The following CYRIB variants were observed in gnomAD, a reference collection of about 807,000 sequenced individuals.
CYRIB encodes CYFIP related Rac1 interactor B.
A neutral mutation model predicts 44.2 loss-of-function variants in CYRIB; 8 were observed. That is an observed-to-expected ratio of 0.18 (90% CI 0.11 to 0.33). The LOEUF (loss-of-function observed/expected upper bound fraction) is 0.33. Among genes scored for constraint, CYRIB ranks in the 10% least tolerant of loss-of-function variants. The pLI, the probability that CYRIB is intolerant of heterozygous loss-of-function variation, is 1.00. For missense variants in CYRIB, 185 were observed against 382.8 expected (o/e 0.48, Z 4.31); for synonymous variants, 131 against 127.2 (o/e 1.03, Z -0.20).
At chr8:129,880,575 T>C (rs1347876494) in intron 2 of CYRIB, 1 of 280,626 alleles carries the variant, frequency 3.6e-6, no homozygotes, top group Non-Finnish European at 5.4e-6. Context: ...TTATATGCTT[T>C]TGGCATTGAG....
At chr8:129,862,035 A>T (rs1374374462) in intron 5 of CYRIB, among the ~76,000 whole-genome samples, 194 bp downstream of exon 7, 1 of 152,202 alleles carries the variant, frequency 6.6e-6, no homozygotes, top group Non-Finnish European at 1.5e-5. Flanking sequence ...GTGGACAAAA[A>T]TGGTCTAAAT....
upstream of CYRIB, among the ~76,000 whole-genome samples, chr8:129,943,167 G>T (rs1283239226): frequency 6.9e-6 from 1 of 145,268 alleles, no homozygotes; most frequent in Non-Finnish European, 1.5e-5. Flanking sequence ...CCCTGCTCCG[G>T]AGGGGCTGAG....
At chr8:129,960,962 A>AAAAAG (rs1554714379) in intron 2 of CYRIB, among the ~76,000 whole-genome samples, 100 of 150,002 alleles carry the variant, frequency 6.7e-4, no homozygotes, top group African/African-American at 2.0e-3. Context: ...AAAAAAAAAA[A>AAAAAG]AAAGAAAGAA....
At chr8:129,856,847 G>C (rs1474114548) in intron 5 of CYRIB, among the ~76,000 whole-genome samples, 1 of 152,136 alleles carries the variant, frequency 6.6e-6, no homozygotes, top group African/African-American at 2.4e-5. Context: ...TGACTCCAAA[G>C]CCCTATTCTT....
intron 1 of CYRIB, among the ~76,000 whole-genome samples, chr8:129,933,931 G>T (rs2092294165): frequency 6.6e-6 from 1 of 151,562 alleles, no homozygotes; most frequent in Non-Finnish European, 1.5e-5. Flanking sequence ...AACCTGATGT[G>T]TTTTGTGCTT....
At chr8:129,932,539 C>T (rs1029256964) in intron 1 of CYRIB, among the ~76,000 whole-genome samples, 1 of 152,088 alleles carries the variant, frequency 6.6e-6, no homozygotes, top group Admixed American at 6.6e-5. Flanking sequence ...TAGACTGAGG[C>T]TCAGAAAACC....
At chr8:129,908,666 CAAGTA>C (rs1243291151) in intron 1 of CYRIB, among the ~76,000 whole-genome samples, 1 of 152,008 alleles carries the variant, frequency 6.6e-6, no homozygotes, top group Non-Finnish European at 1.5e-5. Context: ...CACTAAATCT[CAAGTA>C]CAGTACTCTT....
At chr8:129,994,457 C>T (rs953461018) in intron 1 of CYRIB, among the ~76,000 whole-genome samples, 1 of 152,222 alleles carries the variant, frequency 6.6e-6, no homozygotes, top group African/African-American at 2.4e-5. Context: ...TCTTTGTATG[C>T]CTGTGCTTAG....
At chr8:129,968,068 G>A (rs1017993194) in intron 2 of CYRIB, among the ~76,000 whole-genome samples, 21 of 152,136 alleles carry the variant, frequency 1.4e-4, no homozygotes, top group African/African-American at 5.1e-4. Context: ...GTGACCATGA[G>A]CTAGTGGCTT....
At chr8:130,012,156 C>T (rs1352493841) in intron 1 of CYRIB, among the ~76,000 whole-genome samples, 1 of 151,674 alleles carries the variant, frequency 6.6e-6, no homozygotes, top group Non-Finnish European at 1.5e-5. Context: ...TTTATGAACA[C>T]GATGTTCAAG....
chr8:129,876,006 C>T (rs1031291098), intron 3 of CYRIB, among the ~76,000 whole-genome samples: 2 of 151,722 alleles, frequency 1.3e-5, no homozygotes, highest in East Asian at 1.9e-4. Context: ...CCCAGCTACT[C>T]GGGAGGCTGA....
chr8:129,952,970 C>T (rs923252220), intron 2 of CYRIB, among the ~76,000 whole-genome samples: 3 of 152,124 alleles, frequency 2.0e-5, no homozygotes, highest in African/African-American at 7.2e-5. Context: ...TTCTTCATTC[C>T]GAACCTTCTG....
At chr8:129,887,892 T>C (rs2063432522) in intron 2 of CYRIB, among the ~76,000 whole-genome samples, 1 of 152,214 alleles carries the variant, frequency 6.6e-6, no homozygotes, top group Non-Finnish European at 1.5e-5. Flanking sequence ...TTCATTTTGA[T>C]TTTAAAGACT....
In CYRIB at chr8:129,852,283, G is replaced by A; in HGVS notation, c.517-5C>T. ...TACTTCATTTTCTCCTTCTGCCTGT[G>A]GGGAAGGTAAAAGCACTGGATGTTA... On this transcript the variant is annotated splice_polypyrimidine_tract_variant and splice_region_variant and intron_variant, in intron 7 of 11. Coordinates refer to ENST00000519824, the Ensembl canonical transcript of CYRIB. The A allele has an allele frequency of 6.5e-7, 1 of 1,528,996 alleles. No individual in the cohort carries two copies. The highest frequency in any genetic ancestry group is 8.8e-7 in the Non-Finnish European group (1 of 1,132,356). 94.7% of individuals were successfully genotyped at this position (1,528,996 alleles called of 1,614,324 possible). A position where few individuals can be genotyped will look rare whatever the true frequency, so the allele number is the denominator to read the frequency against.
chr8:129,912,433 T>A (rs1288256820), intron 1 of CYRIB: 4 of 140,098 alleles, frequency 2.9e-5, no homozygotes, highest in Admixed American at 6.9e-5. Context: ...ATTACAAAGT[T>A]TTTTTTTTTT....
At chr8:129,934,700 T>C (rs188375900) in intron 1 of CYRIB, among the ~76,000 whole-genome samples, 1 of 152,266 alleles carries the variant, frequency 6.6e-6, no homozygotes, top group Non-Finnish European at 1.5e-5. Context: ...CAAGTTTTAT[T>C]ATGGGTCTGA....
rs1039637950 is a variant in CYRIB, at chr8:129,962,414, A to G, written c.-243+8529T>C. On this transcript the variant is annotated intron_variant, in intron 2 of 14. Transcript: ENST00000401979. Reference sequence around the variant, plus strand: ...GCTAGAATCATACCACTGCACACCAACCTGGGCCACAGAGCAAGGCCTTGT... The same window carrying G: ...GCTAGAATCATACCACTGCACACCAGCCTGGGCCACAGAGCAAGGCCTTGT... 2.2e-4 allele frequency among the ~76,000 whole-genome samples: 33 copies of G among 152,068 alleles called. 1 individual carries two copies. The highest frequency in any genetic ancestry group is 7.9e-4 in the Admixed American group (12 of 15,234).
intron 1 of CYRIB, among the ~76,000 whole-genome samples, chr8:129,923,104 A>G (rs1205260435): frequency 2.0e-5 from 3 of 147,818 alleles, no homozygotes; most frequent in African/African-American, 7.4e-5. Flanking sequence ...TTAGCCAGGC[A>G]TGGTGGCACA....
chr8:129,895,885 T>C (rs2067814359), intron 2 of CYRIB, among the ~76,000 whole-genome samples: 1 of 152,194 alleles, frequency 6.6e-6, no homozygotes, highest in South Asian at 2.1e-4. Flanking sequence ...ATTTGATCAT[T>C]TAAAAATATA....
Sources: gnomAD v4.1 joint callset for allele counts (sites outside exome capture counted in the v4.1 genomes callset) on GRCh38, gnomAD v4.1.1 for gene constraint, MANE v1.5 for transcripts, NCBI Gene and HGNC (gene_info 2026-07-23, HGNC 2026-07-21) for gene names.